The following LRBA variants were observed in gnomAD, a reference collection of about 807,000 sequenced individuals.
LRBA encodes lipopolysaccharide-responsive and beige-like anchor protein.
LRBA carries 176 observed loss-of-function variants against 330.0 expected under a neutral mutation model. The ratio of observed to expected loss-of-function variants is 0.53; its 90% CI spans 0.47 to 0.60. The LOEUF (loss-of-function observed/expected upper bound fraction) is 0.60. Among genes scored for constraint, LRBA ranks in the 20% least tolerant of loss-of-function variants. The pLI is 0.00. For synonymous variants in LRBA, 1,230 were observed against 1,193.0 expected (o/e 1.03, Z -0.64); for missense variants, 3,259 against 3,444.8 (o/e 0.95, Z 1.35).
chr4:150,616,894 C>T (rs977104713), intron 37 of LRBA, among the ~76,000 whole-genome samples: 6 of 152,038 alleles, frequency 3.9e-5, no homozygotes, highest in Non-Finnish European at 7.4e-5. Flanking sequence ...CCTGACACAT[C>T]GTAAGAATAC....
At chr4:150,581,311 C>T (rs902982356) in intron 40 of LRBA, 1 of 445,024 alleles carries the variant, frequency 2.2e-6, no homozygotes, top group Non-Finnish European at 4.5e-6. Context: ...GATTTATAAA[C>T]CCTCACCTTA....
chr4:150,524,624 T>C (rs974803986), intron 40 of LRBA, among the ~76,000 whole-genome samples: 1 of 152,186 alleles, frequency 6.6e-6, no homozygotes, highest in Non-Finnish European at 1.5e-5. Flanking sequence ...TTTCACAGTC[T>C]GTAGGCATAT....
chr4:150,438,413 C>T (rs1196527797), intron 44 of LRBA, among the ~76,000 whole-genome samples: 2 of 152,032 alleles, frequency 1.3e-5, no homozygotes, highest in African/African-American at 4.8e-5. Flanking sequence ...AGCCCAAGCA[C>T]CTTAAAGCCT....
At chr4:150,893,382 G>C (rs183392147) in intron 16 of LRBA, among the ~76,000 whole-genome samples, 1 of 152,008 alleles carries the variant, frequency 6.6e-6, no homozygotes, top group Non-Finnish European at 1.5e-5. Context: ...GCAGAGTCTC[G>C]CTCTCTCACT....
intron 47 of LRBA, among the ~76,000 whole-genome samples, chr4:150,359,575 T>A (rs529948616): frequency 6.6e-6 from 1 of 152,244 alleles, no homozygotes; most frequent in African/African-American, 2.4e-5. Flanking sequence ...ATTAGTTGAG[T>A]TTTGAACTTA....
At chr4:150,738,510 T>C (rs1731521740) in intron 35 of LRBA, among the ~76,000 whole-genome samples, 1 of 152,026 alleles carries the variant, frequency 6.6e-6, no homozygotes, top group South Asian at 2.1e-4. Flanking sequence ...TAATATAAGA[T>C]TGATACAAGT....
chr4:150,811,330 G>A (rs1354453753), intron 31 of LRBA, among the ~76,000 whole-genome samples: 1 of 151,524 alleles, frequency 6.6e-6, no homozygotes, highest in Non-Finnish European at 1.5e-5. Flanking sequence ...GAGCTTTTCT[G>A]AAGCTAATAC....
intron 47 of LRBA, among the ~76,000 whole-genome samples, chr4:150,375,997 T>A (rs942596834): frequency 1.3e-5 from 2 of 152,078 alleles, no homozygotes; most frequent in East Asian, 3.9e-4. Flanking sequence ...AGATCAAAGG[T>A]TGCATATTTA....
intron 47 of LRBA, among the ~76,000 whole-genome samples, chr4:150,367,341 A>C (rs1429543179): frequency 2.6e-5 from 4 of 152,194 alleles, no homozygotes; most frequent in Non-Finnish European, 5.9e-5. Flanking sequence ...TTTTGCAAAA[A>C]GACAGTTTTC....
At chr4:150,455,784 A>G (rs1284717591) in intron 44 of LRBA, among the ~76,000 whole-genome samples, 1 of 151,860 alleles carries the variant, frequency 6.6e-6, no homozygotes, top group Non-Finnish European at 1.5e-5. Context: ...TTTTGTACTC[A>G]TTAATCATCC....
chr4:150,474,662 C>T (rs1343863614), intron 42 of LRBA, among the ~76,000 whole-genome samples: 2 of 152,110 alleles, frequency 1.3e-5, no homozygotes, highest in African/African-American at 4.8e-5. Flanking sequence ...TTTAATTTCT[C>T]TTAAAAATGT....
chr4:150,754,698 G>T (rs1358900266), intron 35 of LRBA, among the ~76,000 whole-genome samples: 10 of 151,894 alleles, frequency 6.6e-5, no homozygotes, highest in African/African-American at 2.2e-4. Flanking sequence ...GGGGGACCAA[G>T]GTAGGAAGAT....
chr4:150,579,558 C>A (rs1212867926), intron 40 of LRBA: 4 of 417,210 alleles, frequency 9.6e-6, no homozygotes, highest in Non-Finnish European at 1.9e-5. Flanking sequence ...GTTTTTAAAT[C>A]AAAACATTTG....
At chr4:150,367,224 C>T (rs1739583818) in intron 47 of LRBA, among the ~76,000 whole-genome samples, 1 of 152,176 alleles carries the variant, frequency 6.6e-6, no homozygotes, top group African/African-American at 2.4e-5. Context: ...AGTTACAGCA[C>T]TTCCTTTACT....
rs1783239679 is a variant in LRBA, at chr4:150,683,556, T to G, written c.5916A>C (p.Ala1972=). 1 of 1,613,812 alleles carries G rather than the reference T, an allele frequency of 6.2e-7. No homozygotes were observed. Among genetic ancestry groups the G allele is most frequent in the Non-Finnish European group, 8.5e-7 (1 of 1,179,790 alleles). The change falls in exon 37 of 57, where the codon GCA becomes GCC. Residue 1972 remains alanine (A), a synonymous_variant. Transcript: ENST00000651943. ...TCCTAAAGGTATCCCTTTACCTCAC[T>G]GCAGAATTTCCCCAGGCTCCATGCT... The part of the protein sequence containing the change: ...TDKHGAWGNS[A]VSRPLEFWRL...
chr4:150,576,936 A>C (rs1462773631), intron 40 of LRBA, among the ~76,000 whole-genome samples: 4 of 151,924 alleles, frequency 2.6e-5, no homozygotes, highest in South Asian at 4.1e-4. Flanking sequence ...AGAGTAAAAA[A>C]AAATTTTTTT....
intron 46 of LRBA, among the ~76,000 whole-genome samples, chr4:150,429,337 G>A (rs1215094517): frequency 6.6e-6 from 1 of 152,038 alleles, no homozygotes; most frequent in Non-Finnish European, 1.5e-5. Context: ...GAGGTCAGAA[G>A]TACTTGAAGG....
At chr4:150,908,542 A>T (rs1033291146) in intron 10 of LRBA, 75 bp from the exon 11 acceptor site, 16 of 1,477,258 alleles carry the variant, frequency 1.1e-5, no homozygotes, top group African/African-American at 1.4e-5. Context: ...GCACAACAAT[A>T]AATGCAGAAA....
chr4:150,656,984 G>C (rs1484753065), intron 37 of LRBA, among the ~76,000 whole-genome samples: 4 of 152,162 alleles, frequency 2.6e-5, no homozygotes, highest in Non-Finnish European at 4.4e-5. Flanking sequence ...CAAATGAATG[G>C]AGTTGACATC....
Sources: gnomAD v4.1 joint callset for allele counts (sites outside exome capture counted in the v4.1 genomes callset) on GRCh38, gnomAD v4.1.1 for gene constraint, MANE v1.5 for transcripts, NCBI Gene and HGNC (gene_info 2026-07-23, HGNC 2026-07-21) for gene names.